The following VDR variants were observed in gnomAD, a reference collection of about 807,000 sequenced individuals.
VDR encodes the protein vitamin D receptor.
In VDR, 19 loss-of-function variants were observed where a neutral mutation model predicts 39.7. The observed-to-expected ratio is 0.48, with a 90% CI of 0.33 to 0.70. VDR has a LOEUF of 0.70. Ranked by LOEUF, VDR falls within the 30% of genes least tolerant of loss-of-function variation. The pLI, the probability that VDR is intolerant of heterozygous loss-of-function variation, is 0.02. For synonymous variants in VDR, 242 were observed against 215.8 expected, an observed-to-expected ratio of 1.12 and a Z score of -1.07; for missense variants, 442 against 570.5, an observed-to-expected ratio of 0.77 and a Z score of 2.29.
At chr12:47,883,109 G>A (rs924136310) in intron 1 of VDR, among the ~76,000 whole-genome samples, 1 of 152,140 alleles carries the variant, frequency 6.6e-6, no homozygotes, top group Non-Finnish European at 1.5e-5. Context: ...CAGGAGGGAG[G>A]AAGGGCCTTT....
At chr12:47,857,732 C>T (rs1036246052) in intron 4 of VDR, 44 bp from the exon 5 acceptor site, 1 of 1,601,948 alleles carries the variant, frequency 6.2e-7, no homozygotes. Context: ...CCAGCAGCTC[C>T]TCCAGGAAAC....
At chr12:47,869,977 T>C (rs1945818204) in intron 3 of VDR, among the ~76,000 whole-genome samples, 1 of 152,204 alleles carries the variant, frequency 6.6e-6, no homozygotes. Flanking sequence ...AGTTGTCATA[T>C]GAAGCCCGAG....
chr12:47,848,842 C>T (rs144621826), intron 7 of VDR, among the ~76,000 whole-genome samples: 96 of 151,796 alleles, frequency 6.3e-4, no homozygotes, highest in African/African-American at 2.2e-3. Flanking sequence ...GCTGGGATTA[C>T]GGCGTGAGCC....
chr12:47,859,866 TTTCCTTCCTTCC>T (rs760043388), intron 4 of VDR, among the ~76,000 whole-genome samples: 47 of 50,592 alleles, frequency 9.3e-4, no homozygotes, highest in Admixed American at 3.3e-3. Context: ...TCCTTCCTTC[TTTCCTTCCTTCC>T]TTCCTTCCTT....
chr12:47,855,544 A>T, intron 7 of VDR, 86 bp downstream of exon 7: 1 of 1,484,384 alleles, frequency 6.7e-7, no homozygotes, highest in Non-Finnish European at 9.3e-7. Flanking sequence ...AAAAAAAAGA[A>T]GTGGTGGATG....
At chr12:47,848,490 A>G (rs114558635) in intron 7 of VDR, among the ~76,000 whole-genome samples, 21 of 144,756 alleles carry the variant, frequency 1.5e-4, no homozygotes, top group African/African-American at 5.4e-4. Context: ...TGCCTTGAAC[A>G]TTGCTGGTGC....
In VDR at chr12:47,865,032, C is replaced by A; in HGVS notation, c.277+15G>T. ...CACTTCAGGCCCAAACCCTGCCCAG[C>A]CCCTGGACACTCACACTCCTTCATC... On this transcript the variant is annotated intron_variant, in intron 4 of 9. Coordinates refer to ENST00000549336, the MANE Select transcript of VDR (RefSeq NM_000376.3). The A allele has an allele frequency of 6.2e-7, 1 of 1,612,904 alleles. No homozygotes were observed. The highest frequency in any genetic ancestry group is 8.5e-7 in the Non-Finnish European group (1 of 1,179,000).
intron 1 of VDR, among the ~76,000 whole-genome samples, chr12:47,894,329 A>T (rs1043647639): frequency 6.6e-6 from 1 of 151,960 alleles, no homozygotes; most frequent in Admixed American, 6.6e-5. Context: ...TGCACTCAAT[A>T]CTCTTTCTGG....
chr12:47,870,612 A>T (rs1945831606), intron 3 of VDR, among the ~76,000 whole-genome samples: 2 of 152,322 alleles, frequency 1.3e-5, no homozygotes, highest in South Asian at 4.1e-4. Flanking sequence ...TCACAAAAGC[A>T]TCAAGAGCCT....
chr12:47,874,392 C>T (rs1945956837), intron 3 of VDR, among the ~76,000 whole-genome samples: 1 of 152,100 alleles, frequency 6.6e-6, no homozygotes. Context: ...GGACATCTGC[C>T]CTATTTCTCT....
Position 47,868,930 on chromosome 12 carries a change from C to T in VDR, c.147-3753G>A, listed in dbSNP as rs116190393. ...CACATCGTCAGCCTAGCCCAGCCACCACCTACAGTGATGTGAGCCAAAGCC... is the reference window on the plus strand; with the variant it reads ...CACATCGTCAGCCTAGCCCAGCCACTACCTACAGTGATGTGAGCCAAAGCC... On this transcript the variant is annotated intron_variant, in intron 3 of 9. Coordinates refer to ENST00000549336, the MANE Select transcript of VDR (RefSeq NM_000376.3). 4.5e-3 allele frequency among the ~76,000 whole-genome samples: 679 copies of T among 152,302 alleles called. 4 individuals are homozygous for T. The highest frequency in any genetic ancestry group is 0.015 in the African/African-American group (638 of 41,564).
At chr12:47,874,557 C>A (rs936431932) in intron 3 of VDR, among the ~76,000 whole-genome samples, 6 of 152,196 alleles carry the variant, frequency 3.9e-5, no homozygotes, top group African/African-American at 1.4e-4. Context: ...TCCTCAAGAA[C>A]CTTGGAGCTA....
intron 1 of VDR, among the ~76,000 whole-genome samples, chr12:47,900,230 C>A (rs1307399725): frequency 1.3e-5 from 2 of 152,190 alleles, no homozygotes; most frequent in African/African-American, 4.8e-5. Flanking sequence ...CAGAGGGAGC[C>A]TCCTTCTGAG....
At chr12:47,879,821 T>C (rs996197136) in intron 2 of VDR, among the ~76,000 whole-genome samples, 4 of 152,158 alleles carry the variant, frequency 2.6e-5, no homozygotes, top group African/African-American at 9.7e-5. Context: ...TTCTGAGTCA[T>C]GTGAGTCCTA....
rs1281742449 is a variant in VDR, at chr12:47,857,579, C to T, written c.387G>A (p.Gln129=). The T allele has an allele frequency of 3.7e-6, 6 of 1,614,226 alleles. No homozygotes were observed. Among genetic ancestry groups the T allele is most frequent in the Non-Finnish European group, 5.1e-6 (6 of 1,180,040 alleles). Residue 129 remains glutamine (Q), a synonymous_variant, in exon 5 of 10, where the codon CAG becomes CAA. Coordinates refer to ENST00000549336, the MANE Select transcript of VDR (RefSeq NM_000376.3). ...SLRPKLSEEQ[Q]RIIAILLDAH... ...CGTCCAGCAGTATGGCAATGATGCG[C>T]TGCTGCTCCTCAGACAGCTTGGGCC...
rs527918869 is a variant in VDR at position 47,901,269 on chromosome 12, C to T, written c.-84+3686G>A. 3.2e-5 allele frequency: 5 copies of T among 155,324 alleles called. No individual in the cohort carries two copies. In the East Asian group the frequency reaches 5.8e-4, roughly 18 times the overall value. 9.6% of individuals were successfully genotyped at this position (155,324 alleles called of 1,614,324 possible). A position where few individuals can be genotyped will look rare whatever the true frequency, so the allele number is the denominator to read the frequency against. The stretch of plus-strand genomic sequence containing the variant: ...CTCCACGCCTATGCCCGATCACCCA[C>T]AGGCTGGACCTCTGGGGATCCCACC... On this transcript the variant is annotated intron_variant, in intron 1 of 9. Transcript: ENST00000549336.
At chr12:47,888,619 C>T (rs11168283) in intron 1 of VDR, among the ~76,000 whole-genome samples, 48,982 of 152,146 alleles carry the variant, frequency 0.32, 8,803 homozygotes, top group South Asian at 0.5. Context: ...AGGCTATGCC[C>T]GTCACTGCTG....
intron 3 of VDR, among the ~76,000 whole-genome samples, chr12:47,872,441 C>A (rs1387225296): frequency 6.6e-6 from 1 of 152,184 alleles, no homozygotes; most frequent in Non-Finnish European, 1.5e-5. Context: ...GAATTTGAGA[C>A]CCCTGAAGCA....
chr12:47,889,827 A>C (rs74085276), intron 1 of VDR, among the ~76,000 whole-genome samples: 7 of 152,198 alleles, frequency 4.6e-5, no homozygotes, highest in Non-Finnish European at 8.8e-5. Flanking sequence ...AAACAAAAAC[A>C]AAAAAGCAGC....
Sources: allele counts gnomAD v4.1 joint callset (sites outside exome capture counted in the v4.1 genomes callset), GRCh38; gene constraint gnomAD v4.1.1; transcripts MANE v1.5; gene names NCBI Gene and HGNC (gene_info 2026-07-23, HGNC 2026-07-21).